DMD: variants seen among roughly 807,000 people sequenced by gnomAD.
DMD encodes dystrophin.
Under a neutral mutation model 330.1 loss-of-function variants are expected in DMD, and 63 were observed. The ratio of observed to expected loss-of-function variants is 0.19; its 90% CI spans 0.16 to 0.24. DMD has a LOEUF of 0.24. Ranked by LOEUF, DMD falls within the 10% of genes least tolerant of loss-of-function variation. The pLI is 1.00. For synonymous variants in DMD, 1,223 were observed against 959.8 expected (o/e 1.27, Z -5.07); for missense variants, 3,344 against 2,684.1 (o/e 1.25, Z -5.43).
chrX:31,256,281 C>G (rs757624662), intron 63 of DMD, among the ~76,000 whole-genome samples: 5 of 112,062 alleles, frequency 4.5e-5, no homozygotes, highest in African/African-American at 1.6e-4. Flanking sequence ...CAAGACAATG[C>G]TTTTGTCAAA....
chrX:31,765,388 G>A (rs905590100), intron 51 of DMD, among the ~76,000 whole-genome samples: 3 of 111,219 alleles, frequency 2.7e-5, no homozygotes, highest in African/African-American at 9.8e-5. Flanking sequence ...TCTAAAATTA[G>A]GGCCTATCCC....
At chrX:32,543,509 G>A (rs2048685740) in intron 17 of DMD, among the ~76,000 whole-genome samples, 1 of 111,755 alleles carries the variant, frequency 8.9e-6, no homozygotes, top group Admixed American at 9.5e-5. Flanking sequence ...AACTGTTGGA[G>A]GGTTGTTGGA....
intron 1 of DMD, among the ~76,000 whole-genome samples, chrX:33,030,707 T>C (rs2094094154): frequency 8.9e-6 from 1 of 111,890 alleles, no homozygotes; most frequent in Admixed American, 9.5e-5. Flanking sequence ...GTAGCAGAAC[T>C]GCTAACTAGA....
intron 29 of DMD, among the ~76,000 whole-genome samples, chrX:32,412,811 C>G (rs1052086841): frequency 5.4e-5 from 6 of 111,025 alleles, no homozygotes; most frequent in Non-Finnish European, 1.1e-4. Flanking sequence ...TCCCACAGAG[C>G]ATGACTGAGG....
chrX:31,236,244 C>T (rs1469358447), intron 63 of DMD, among the ~76,000 whole-genome samples: 1 of 112,509 alleles, frequency 8.9e-6, no homozygotes, highest in East Asian at 2.8e-4. Flanking sequence ...TAGCTCTCAA[C>T]TACCTGCCTC....
At chrX:33,092,438 A>G (rs191099232) in intron 1 of DMD, among the ~76,000 whole-genome samples, 4 of 111,998 alleles carry the variant, frequency 3.6e-5, no homozygotes, top group Admixed American at 1.9e-4. Flanking sequence ...TATATACACT[A>G]AAGTCATAAG....
At chrX:33,292,349 T>C (rs991621964) in intron 1 of DMD, among the ~76,000 whole-genome samples, 1 of 111,999 alleles carries the variant, frequency 8.9e-6, no homozygotes, top group South Asian at 3.6e-4. Context: ...CTATCATGAA[T>C]ATCATGTTTT....
intron 1 of DMD, among the ~76,000 whole-genome samples, chrX:33,192,732 A>G (rs2050725250): frequency 8.9e-6 from 1 of 111,897 alleles, no homozygotes; most frequent in Admixed American, 9.5e-5. Context: ...CTAAGCCATG[A>G]TTTTTTTCTT....
intron 44 of DMD, among the ~76,000 whole-genome samples, chrX:32,074,572 T>C (rs1027584214): frequency 3.6e-5 from 4 of 111,246 alleles, no homozygotes; most frequent in African/African-American, 9.8e-5. Flanking sequence ...TTATACGATA[T>C]CCAAATTTCT....
chrX:32,019,684 C>T (rs1348320599), intron 44 of DMD, among the ~76,000 whole-genome samples: 1 of 111,918 alleles, frequency 8.9e-6, no homozygotes, highest in Admixed American at 9.5e-5. Context: ...TACTTTGTCC[C>T]ATCTCAATGA....
intron 59 of DMD, among the ~76,000 whole-genome samples, chrX:31,449,170 G>T (rs2065503589): frequency 1.8e-5 from 2 of 111,431 alleles, no homozygotes; most frequent in Non-Finnish European, 3.8e-5. Flanking sequence ...TGTGAAGTAG[G>T]AATCAACAGA....
chrX:31,714,516 T>C (rs1330970845), intron 52 of DMD, among the ~76,000 whole-genome samples: 1 of 111,820 alleles, frequency 8.9e-6, no homozygotes, highest in Non-Finnish European at 1.9e-5. Context: ...ATGCCAATTC[T>C]GGTTTTACAA....
chrX:32,827,356 G>A (rs1279114893), intron 4 of DMD, among the ~76,000 whole-genome samples: 1 of 111,176 alleles, frequency 9.0e-6, no homozygotes, highest in African/African-American at 3.3e-5. Flanking sequence ...GATCACTAGG[G>A]GGTAATTAAC....
At chrX:31,601,085 T>G (rs1241581408) in intron 55 of DMD, among the ~76,000 whole-genome samples, 1 of 111,963 alleles carries the variant, frequency 8.9e-6, no homozygotes, top group African/African-American at 3.3e-5. Flanking sequence ...AATTCAGCAC[T>G]TCACAGAGTT....
At chrX:32,585,739 T>A (rs774820238) in intron 13 of DMD, among the ~76,000 whole-genome samples, 1 of 92,599 alleles carries the variant, frequency 1.1e-5, no homozygotes, top group Non-Finnish European at 2.3e-5. Flanking sequence ...AAGAATATTA[T>A]TGTTCCAGCA....
At chrX:32,441,605 A>C (rs998116254) in intron 27 of DMD, among the ~76,000 whole-genome samples, 3 of 111,691 alleles carry the variant, frequency 2.7e-5, no homozygotes, top group African/African-American at 9.7e-5. Context: ...AAACAGAAAA[A>C]TAAAAGCATA....
At chrX:33,281,210 A>ATTTTTTTTTTTTTTTTTTTT (rs139177044) in intron 1 of DMD, among the ~76,000 whole-genome samples, 1 of 92,086 alleles carries the variant, frequency 1.1e-5, no homozygotes. Context: ...ATGCTATTGC[A>ATTTTTTTTTTTTTTTTTTTT]TTTTTTTTTT....
intron 7 of DMD, among the ~76,000 whole-genome samples, chrX:32,808,265 A>G (rs758039547): frequency 8.9e-6 from 1 of 112,025 alleles, no homozygotes; most frequent in East Asian, 2.8e-4. Flanking sequence ...GAAACATTTC[A>G]AGTCAACTTA....
chrX:31,170,179 T>C (rs1360920933), intron 73 of DMD, among the ~76,000 whole-genome samples: 1 of 112,016 alleles, frequency 8.9e-6, no homozygotes, highest in Non-Finnish European at 1.9e-5. Flanking sequence ...TCAGTTATTG[T>C]TTAGACAGAA....
Sources: gnomAD v4.1 joint callset for allele counts (sites outside exome capture counted in the v4.1 genomes callset) on GRCh38, gnomAD v4.1.1 for gene constraint, MANE v1.5 for transcripts, NCBI Gene and HGNC (gene_info 2026-07-23, HGNC 2026-07-21) for gene names.